KPNA1: variants seen among roughly 807,000 people sequenced by gnomAD.
KPNA1 encodes karyopherin subunit alpha 1, also known as importin subunit alpha-5.
KPNA1 carries 10 observed loss-of-function variants against 70.5 expected under a neutral mutation model. That is an observed-to-expected ratio of 0.14 (90% CI 0.09 to 0.24). The LOEUF is 0.24. KPNA1 is among the 10% of genes least tolerant of loss of function. The pLI is 1.00. For missense variants in KPNA1, 397 were observed against 637.9 expected (o/e 0.62, Z 4.07); for synonymous variants, 192 against 221.9 (o/e 0.87, Z 1.20).
chr3:122,463,335 G>A (rs2076345887), intron 4 of KPNA1, among the ~76,000 whole-genome samples: 1 of 130,762 alleles, frequency 7.6e-6, no homozygotes, highest in Non-Finnish European at 1.6e-5. Flanking sequence ...GCGACAGAGT[G>A]AGACTCCATC....
intron 2 of KPNA1, among the ~76,000 whole-genome samples, chr3:122,479,056 T>C (rs149305210): frequency 6.6e-6 from 1 of 152,158 alleles, no homozygotes; most frequent in East Asian, 1.9e-4. Flanking sequence ...AATTAAAACA[T>C]TCTGCTCTGT....
chr3:122,496,185 G>A (rs1298737999), intron 2 of KPNA1, among the ~76,000 whole-genome samples: 1 of 152,056 alleles, frequency 6.6e-6, no homozygotes, highest in Non-Finnish European at 1.5e-5. Flanking sequence ...ACACAAATAG[G>A]TGAAAATATT....
At chr3:122,483,413 A>G (rs1226353255) in intron 2 of KPNA1, among the ~76,000 whole-genome samples, 1 of 152,000 alleles carries the variant, frequency 6.6e-6, no homozygotes, top group Admixed American at 6.6e-5. Context: ...GGTATGGTCT[A>G]GGCTCACTAC....
At chr3:122,461,978 T>C (rs368569114) in intron 4 of KPNA1, among the ~76,000 whole-genome samples, 2 of 152,172 alleles carry the variant, frequency 1.3e-5, no homozygotes, top group Non-Finnish European at 2.9e-5. Flanking sequence ...AAATGGCAAT[T>C]AGATCACAAT....
In KPNA1 at chr3:122,442,091, G is replaced by C; in HGVS notation, c.943C>G (p.Pro315Ala). 6.2e-7 allele frequency: 1 copy of C among 1,613,696 alleles called. No individual in the cohort carries two copies. The highest frequency in any genetic ancestry group is 8.5e-7 in the Non-Finnish European group (1 of 1,179,656). Residue 315 changes from proline to alanine, a missense_variant, in exon 10 of 14, where the codon CCT (proline) becomes GCT (alanine). Physicochemically the swap from Pro to Ala is conservative, Grantham distance 27. Coordinates refer to ENST00000344337, the MANE Select transcript of KPNA1 (RefSeq NM_002264.4). ...LMHNDYKVVS[P>A]ALRAVGNIVT... ...ATGTTTCCCACAGCTCGCAAAGCAG[G>C]AGAAACCACTTTATAATCATTATGC...
chr3:122,512,168 G>T (rs1183768482), intron 1 of KPNA1, among the ~76,000 whole-genome samples: 1 of 151,700 alleles, frequency 6.6e-6, no homozygotes, highest in Admixed American at 6.6e-5. Context: ...AGAGAAACAG[G>T]ATGGCTTACA....
At chr3:122,513,702 G>A (rs1172229458) in intron 1 of KPNA1, among the ~76,000 whole-genome samples, 1 of 151,782 alleles carries the variant, frequency 6.6e-6, no homozygotes, top group Non-Finnish European at 1.5e-5. Flanking sequence ...AGATTTTTAA[G>A]CAACCGTTTA....
Position 122,427,622 on chromosome 3 carries a change from T to C in KPNA1, c.1345A>G (p.Asn449Asp). ...IVQVALNGLENILRLGEQEAK... is the reference protein window; with the variant it reads ...IVQVALNGLEDILRLGEQEAK... ...TCCTGTTCTCCAAGCCTCAGGATAT[T>C]TTCCAAGCCATTTAGGGCAACCTGT... The change falls in exon 13 of 14, where the codon AAT becomes GAT. Residue 449 changes from asparagine to aspartate, a missense_variant. By Grantham distance (23) the Asn-to-Asp change is conservative. Transcript: ENST00000344337. 6.2e-7 allele frequency: 1 copy of C among 1,614,192 alleles called. No homozygotes were observed. Among genetic ancestry groups the C allele is most frequent in the Non-Finnish European group, 8.5e-7 (1 of 1,180,022 alleles).
At chr3:122,496,406 TA>T in intron 2 of KPNA1, 30 bp downstream of exon 2, 1 of 1,601,726 alleles carries the variant, frequency 6.2e-7, no homozygotes. Flanking sequence ...TTAAATTCTT[TA>T]AAAGAAATGA....
At chr3:122,427,198 T>C (rs1430500714) in intron 13 of KPNA1, 26 bp from the exon 14 acceptor site, 12 of 1,551,608 alleles carry the variant, frequency 7.7e-6, no homozygotes, top group Non-Finnish European at 8.8e-6. Context: ...AAGGAAAATC[T>C]TTATTGAAAA....
intron 2 of KPNA1, among the ~76,000 whole-genome samples, chr3:122,481,063 G>T (rs1324373996): frequency 6.6e-6 from 1 of 152,244 alleles, no homozygotes; most frequent in South Asian, 2.1e-4. Flanking sequence ...ATGTAAAATG[G>T]TACAGCTTTT....
chr3:122,501,993 C>G (rs946108388), intron 1 of KPNA1, among the ~76,000 whole-genome samples: 5 of 152,200 alleles, frequency 3.3e-5, no homozygotes, highest in African/African-American at 4.8e-5. Flanking sequence ...ATGCTAAAAG[C>G]TGCATAAATA....
intron 2 of KPNA1, among the ~76,000 whole-genome samples, chr3:122,488,949 TTAAA>T (rs2107489611): frequency 6.6e-6 from 1 of 152,212 alleles, no homozygotes; most frequent in Admixed American, 6.5e-5. Context: ...CATTACTTCT[TTAAA>T]TATTTTTTCT....
chr3:122,473,639 G>A (rs2076466977), intron 2 of KPNA1, among the ~76,000 whole-genome samples: 1 of 152,020 alleles, frequency 6.6e-6, no homozygotes, highest in South Asian at 2.1e-4. Context: ...CATATCAATA[G>A]ATGCAGAAGA....
Position 122,427,529 on chromosome 3 carries a change from G to C in KPNA1, c.1429+9C>G. The C allele has an allele frequency of 1.9e-6, 3 of 1,607,094 alleles. No individual in the cohort carries two copies. Among genetic ancestry groups the C allele is most frequent in the Non-Finnish European group, 2.5e-6 (3 of 1,176,672 alleles). On this transcript the variant is annotated intron_variant, in intron 13 of 13. Coordinates refer to ENST00000344337, the MANE Select transcript of KPNA1 (RefSeq NM_002264.4). ...TTGGCCATAAACTTCTTCAACCAAA[G>C]CATCTTACCATAAGCTTCTTCAATC...
At chr3:122,474,086 A>G (rs1029739151) in intron 2 of KPNA1, among the ~76,000 whole-genome samples, 1 of 152,188 alleles carries the variant, frequency 6.6e-6, no homozygotes, top group Non-Finnish European at 1.5e-5. Context: ...TTGAAATTAA[A>G]AAGTGTCATT....
At position 122,503,162 on chromosome 3, in the gene KPNA1, C is replaced by T. The variant is rs189496896; in HGVS notation, c.-5-6592G>A. Among the ~76,000 whole-genome samples the T allele has an allele frequency of 2.0e-5, 3 of 151,894 alleles. No individual in the cohort carries two copies. In the East Asian group the frequency reaches 5.8e-4, roughly 29 times the overall value. ...CAGTAAACTCCAACAAAACCAAAAACCTAAAATTAGACTTAAGGAAGTAAC... is the reference window on the plus strand; with the variant it reads ...CAGTAAACTCCAACAAAACCAAAAATCTAAAATTAGACTTAAGGAAGTAAC... On this transcript the variant is annotated intron_variant, in intron 1 of 13. Transcript: ENST00000344337.
At chr3:122,427,871 A>G (rs140014067) in intron 12 of KPNA1, among the ~76,000 whole-genome samples, 155 bp from the exon 13 acceptor site, 84 of 152,268 alleles carry the variant, frequency 5.5e-4, no homozygotes, top group African/African-American at 1.9e-3. Context: ...CCTTTTCACA[A>G]AACAAAAACA....
chr3:122,435,857 T>G (rs1378927724), intron 11 of KPNA1, among the ~76,000 whole-genome samples: 1 of 152,068 alleles, frequency 6.6e-6, no homozygotes, highest in Non-Finnish European at 1.5e-5. Flanking sequence ...CTGTGATGAT[T>G]GCATCATAAA....
Sources: allele counts gnomAD v4.1 joint callset (sites outside exome capture counted in the v4.1 genomes callset), GRCh38; gene constraint gnomAD v4.1.1; transcripts MANE v1.5; gene names NCBI Gene and HGNC (gene_info 2026-07-23, HGNC 2026-07-21).